The following ETV5 variants were observed in gnomAD, a reference collection of about 807,000 sequenced individuals.
ETV5 encodes the protein ETS variant transcription factor 5, also known as ETS translocation variant 5.
ETV5 carries 10 observed loss-of-function variants against 70.0 expected under a neutral mutation model. The observed-to-expected ratio is 0.14, with a 90% CI of 0.09 to 0.24. The LOEUF is 0.24. Among genes scored for constraint, ETV5 ranks in the 10% least tolerant of loss-of-function variants. The probability of loss-of-function intolerance (pLI) is 1.00; values close to 1 mark genes in which losing one functional copy is unlikely to be tolerated. For synonymous variants in ETV5, 216 were observed against 242.2 expected (o/e 0.89, Z 1.01); for missense variants, 453 against 651.2 (o/e 0.70, Z 3.31).
chr3:186,089,126 T>A (rs1714123399), intron 5 of ETV5, among the ~76,000 whole-genome samples: 1 of 152,114 alleles, frequency 6.6e-6, no homozygotes, highest in Non-Finnish European at 1.5e-5. Context: ...CACAAGGAGA[T>A]AAGGTTAAGT....
rs191454967 is a variant in ETV5, at chr3:186,046,488, C to G, written c.*2151G>C. On this transcript the variant is annotated 3_prime_UTR_variant, in exon 13 of 13. Transcript: ENST00000306376. ...TGGAAAAGAAGCAAACAAACAAACCCCAAAGAACCCCCGAAAAAAACAAAA... is the reference window on the plus strand; with the variant it reads ...TGGAAAAGAAGCAAACAAACAAACCGCAAAGAACCCCCGAAAAAAACAAAA... 1.7e-4 allele frequency: 40 copies of G among 231,570 alleles called. No individual in the cohort carries two copies. The highest frequency in any genetic ancestry group is 1.3e-3 in the Middle Eastern group (1 of 772). The allele number at this position is 231,570 out of a possible 1,614,324, so 14.3% of individuals were successfully genotyped here.
Position 186,047,743 on chromosome 3 carries a change from G to A in ETV5, c.*896C>T, listed in dbSNP as rs1366558120. ...CTGCAGTGTCTTCATAAGTTGGCACGGCCCTGGCTAAAGGACACAGTGCAC... is the reference window on the plus strand; with the variant it reads ...CTGCAGTGTCTTCATAAGTTGGCACAGCCCTGGCTAAAGGACACAGTGCAC... On this transcript the variant is annotated 3_prime_UTR_variant, in exon 13 of 13. Coordinates refer to ENST00000306376, the MANE Select transcript of ETV5 (RefSeq NM_004454.3). 4 of 233,406 alleles carry A rather than the reference G, an allele frequency of 1.7e-5. No individual in the cohort carries two copies. Among genetic ancestry groups the A allele is most frequent in the South Asian group, 1.8e-4 (1 of 5,534 alleles). The allele number at this position is 233,406 out of a possible 1,614,324, so 14.5% of individuals were successfully genotyped here.
chr3:186,067,979 T>C (rs1713493479), intron 7 of ETV5, among the ~76,000 whole-genome samples: 1 of 152,146 alleles, frequency 6.6e-6, no homozygotes, highest in Admixed American at 6.5e-5. Flanking sequence ...AACAGGAATA[T>C]CCTTACAGAA....
intron 7 of ETV5, among the ~76,000 whole-genome samples, chr3:186,077,803 A>T (rs1713832410): frequency 6.6e-6 from 1 of 152,184 alleles, no homozygotes; most frequent in South Asian, 2.1e-4. Flanking sequence ...TGTTGTTTGT[A>T]ATCGATTTGG....
chr3:186,057,320 T>A lies in ETV5; in HGVS notation c.1040-76A>T, dbSNP rs1713188072. The A allele has an allele frequency of 6.2e-7, 1 of 1,607,632 alleles. No individual in the cohort carries two copies. Among genetic ancestry groups the A allele is most frequent in the Non-Finnish European group, 8.5e-7 (1 of 1,174,606 alleles). ...GGTGGTTGGGACAAAAAGGAGTTGT[T>A]CATGCTGATTTAATCACTGGACTTG... On this transcript the variant is annotated intron_variant, in intron 10 of 12. Coordinates refer to ENST00000306376, the MANE Select transcript of ETV5 (RefSeq NM_004454.3). The surrounding 1 kb of genome is among the most constrained non-coding windows in gnomAD (Gnocchi z 4.9).
intron 5 of ETV5, among the ~76,000 whole-genome samples, chr3:186,099,797 G>T (rs1714406242): frequency 6.6e-6 from 1 of 152,196 alleles, no homozygotes; most frequent in South Asian, 2.1e-4. Flanking sequence ...TGGATGCCAG[G>T]ATTTTGTTAC....
intron 9 of ETV5, among the ~76,000 whole-genome samples, chr3:186,061,252 A>C (rs1464176092): frequency 3.3e-5 from 5 of 152,206 alleles, no homozygotes; most frequent in Non-Finnish European, 7.3e-5. Context: ...TTTAGAAACT[A>C]CTAAAGCCTG....
intron 7 of ETV5, among the ~76,000 whole-genome samples, chr3:186,070,523 G>C (rs1713607096): frequency 6.6e-6 from 1 of 152,246 alleles, no homozygotes; most frequent in African/African-American, 2.4e-5. Flanking sequence ...CTATAATTGG[G>C]ATTGTTCCGT....
chr3:186,099,498 G>A (rs868726285), intron 5 of ETV5, among the ~76,000 whole-genome samples: 20 of 152,356 alleles, frequency 1.3e-4, no homozygotes, highest in Middle Eastern at 6.8e-3. Flanking sequence ...GCTGCCTCAA[G>A]GGCAGCCGTA....
chr3:186,078,286 C>T lies in ETV5; in HGVS notation c.650+1531G>A, dbSNP rs190660931. On this transcript the variant is annotated intron_variant, in intron 7 of 12. Coordinates refer to ENST00000306376, the MANE Select transcript of ETV5 (RefSeq NM_004454.3). Reference sequence around the variant, plus strand: ...TTTTCTTTTACAGTTCATGGTATAACAAATAGAAGTTTGCTAAGAGTTTCA... The same window carrying T: ...TTTTCTTTTACAGTTCATGGTATAATAAATAGAAGTTTGCTAAGAGTTTCA... The T allele has an allele frequency of 3.1e-3, 2,444 of 777,482 alleles. 11 individuals are homozygous for T. Among genetic ancestry groups the T allele is most frequent in the Middle Eastern group, 7.8e-3 (14 of 1,790 alleles). 48.2% of individuals were successfully genotyped at this position (777,482 alleles called of 1,614,324 possible).
At chr3:186,071,038 GTTAT>G (rs1713619376) in intron 7 of ETV5, among the ~76,000 whole-genome samples, 2 of 152,172 alleles carry the variant, frequency 1.3e-5, no homozygotes, top group East Asian at 3.8e-4. Flanking sequence ...TAAAGAACTA[GTTAT>G]TTATTTATTT....
chr3:186,067,980 C>A (rs539682849), intron 7 of ETV5, among the ~76,000 whole-genome samples: 2 of 152,230 alleles, frequency 1.3e-5, no homozygotes, highest in African/African-American at 4.8e-5. Context: ...ACAGGAATAT[C>A]CTTACAGAAT....
chr3:186,082,776 C>G (rs887190740), intron 5 of ETV5, among the ~76,000 whole-genome samples: 4 of 152,232 alleles, frequency 2.6e-5, no homozygotes, highest in African/African-American at 9.6e-5. Flanking sequence ...TTCCAGCCAA[C>G]TGGCCTCTCA....
chr3:186,099,126 ATCTGAGTTGCTAACCCACTGTCAT>A (rs1714386124), intron 5 of ETV5, among the ~76,000 whole-genome samples: 1 of 152,170 alleles, frequency 6.6e-6, no homozygotes, highest in Non-Finnish European at 1.5e-5. Context: ...TCCCTTTAAC[ATCTGAGTTGCTAACCCACTGTCAT>A]TTGCCTGCCA....
In ETV5 at chr3:186,080,039, G is replaced by C; in HGVS notation, c.428C>G (p.Pro143Arg). ...GGGAAATAGGGGATTCTGATGGGTG[G>C]GTGAGAGGGGGGTTGTAGGAGGGGT... Reference protein sequence around the residue: ...PLTPPTTPLSPTHQNPLFPPP... With the variant: ...PLTPPTTPLSRTHQNPLFPPP... The change falls in exon 7 of 13, where the codon CCC becomes CGC. Residue 143 changes from proline (P) to arginine (R), a missense_variant. Around this residue, in one of 4 missense-constraint regions of ETV5, gnomAD observed 307 missense variants for 344.9 expected, o/e 0.89. Coordinates refer to ENST00000306376, the MANE Select transcript of ETV5 (RefSeq NM_004454.3). The C allele has an allele frequency of 1.3e-6, 2 of 1,535,920 alleles. No individual in the cohort carries two copies. Among genetic ancestry groups the C allele is most frequent in the East Asian group, 2.4e-5 (1 of 41,104 alleles).
At chr3:186,091,262 G>A (rs944239994) in intron 5 of ETV5, among the ~76,000 whole-genome samples, 1 of 152,214 alleles carries the variant, frequency 6.6e-6, no homozygotes, top group African/African-American at 2.4e-5. Context: ...AACTGGCACA[G>A]CTGTATAGTA....
At chr3:186,064,188 G>A (rs556547177) in intron 9 of ETV5, 88 of 572,690 alleles carry the variant, frequency 1.5e-4, no homozygotes, top group African/African-American at 1.3e-3. Flanking sequence ...GAAACCCTGC[G>A]TGCAAAATAA....
At chr3:186,103,670 CTT>C (rs1367996193) in intron 5 of ETV5, among the ~76,000 whole-genome samples, 52 of 140,532 alleles carry the variant, frequency 3.7e-4, no homozygotes, top group African/African-American at 1.3e-3. Context: ...CACACACACA[CTT>C]GGATTATCTT....
At chr3:186,056,672 CAA>C (rs1713169603) in intron 11 of ETV5, among the ~76,000 whole-genome samples, 1 of 152,156 alleles carries the variant, frequency 6.6e-6, no homozygotes, top group Non-Finnish European at 1.5e-5. Context: ...AATATATTGT[CAA>C]AATGTCATAC....
Sources: allele counts gnomAD v4.1 joint callset (sites outside exome capture counted in the v4.1 genomes callset), GRCh38; gene constraint gnomAD v4.1.1; regional missense constraint gnomAD v4.1.1; non-coding constraint Gnocchi (gnomAD v3.1); transcripts MANE v1.5; gene names NCBI Gene and HGNC (gene_info 2026-07-23, HGNC 2026-07-21).